ST7: variants seen among roughly 807,000 people sequenced by gnomAD.
ST7 encodes suppressor of tumorigenicity 7 protein.
A neutral mutation model predicts 78.7 loss-of-function variants in ST7; 28 were observed. That is an observed-to-expected ratio of 0.36 (90% CI 0.26 to 0.49). The LOEUF (loss-of-function observed/expected upper bound fraction) is 0.49, where lower values mean the gene tolerates loss of function less well. Among genes scored for constraint, ST7 ranks in the 20% least tolerant of loss-of-function variants. The pLI is 0.99. For missense variants in ST7, 418 were observed against 696.0 expected (o/e 0.60, Z 4.49); for synonymous variants, 247 against 249.6 (o/e 0.99, Z 0.10).
At chr7:117,205,735 C>G (rs1452850350) in intron 12 of ST7, among the ~76,000 whole-genome samples, 1 of 152,190 alleles carries the variant, frequency 6.6e-6, no homozygotes, top group Non-Finnish European at 1.5e-5. Flanking sequence ...ACTTTGGATG[C>G]TCCTGCAGTG....
intron 1 of ST7, among the ~76,000 whole-genome samples, chr7:117,081,409 G>A (rs1799764309): frequency 6.6e-6 from 1 of 151,892 alleles, no homozygotes; most frequent in Non-Finnish European, 1.5e-5. Context: ...GGAAACCTTT[G>A]GATGCCTCCC....
chr7:117,119,608 A>G lies in ST7; in HGVS notation c.282A>G (p.Glu94=), dbSNP rs773426338. Residue 94 remains glutamate (E), a synonymous_variant, in exon 3 of 16, where the codon GAA becomes GAG. Transcript: ENST00000323984. ...GCAAATACGGAACTTCATTCATTGA[A>G]CAAGTCTCAGTAAGCCACTTGCGCC... ...YFRKYGTSFI[E]QVSVSHLRPL... is the part of the protein sequence containing the mutation. 1.9e-6 allele frequency: 3 copies of G among 1,613,448 alleles called. No individual in the cohort carries two copies. The highest frequency in any genetic ancestry group is 2.5e-6 in the Non-Finnish European group (3 of 1,179,928).
In ST7 at chr7:117,219,148, A is replaced by C. The variant is rs765568504; in HGVS notation, c.1470A>C (p.Thr490=). 3 of 1,613,466 alleles carry C rather than the reference A, an allele frequency of 1.9e-6. No individual in the cohort carries two copies. Residue 490 remains threonine, a synonymous_variant, in exon 14 of 16, where the codon ACA becomes ACC. Coordinates refer to ENST00000323984, the MANE Select transcript of ST7 (RefSeq NM_001369598.1). The surrounding 1 kb of genome is among the most constrained non-coding windows in gnomAD (Gnocchi z 5.1). ...TATTTTATCCTTACCCAATCTGTAC[A>C]GAAACAGCAGACCGAGAGCTGCTTC... ...GHLFYPYPIC[T]ETADRELLPS...
chr7:117,230,175 G>C lies in ST7; in HGVS notation c.*318G>C. Reference sequence around the variant, plus strand: ...CCAAATAAACCTTTGGATTTACCTTGAGTTTCCTGGGAACCTGGATCTACT... The same window carrying C: ...CCAAATAAACCTTTGGATTTACCTTCAGTTTCCTGGGAACCTGGATCTACT... On this transcript the variant is annotated 3_prime_UTR_variant, in exon 16 of 16. Coordinates refer to ENST00000323984, the MANE Select transcript of ST7 (RefSeq NM_001369598.1). 2.3e-6 allele frequency: 1 copy of C among 440,172 alleles called. No homozygotes were observed. Among genetic ancestry groups the C allele is most frequent in the East Asian group, 5.1e-5 (1 of 19,426 alleles). The allele number at this position is 440,172 out of a possible 1,614,324, so 27.3% of individuals were successfully genotyped here.
intron 1 of ST7, among the ~76,000 whole-genome samples, chr7:117,005,867 T>A (rs969571357): frequency 6.6e-6 from 1 of 152,236 alleles, no homozygotes; most frequent in Admixed American, 6.5e-5. Context: ...CTAATGCATT[T>A]TGTTTCTTAG....
At chr7:117,159,399 G>A (rs760747078) in intron 9 of ST7, among the ~76,000 whole-genome samples, 1 of 152,250 alleles carries the variant, frequency 6.6e-6, no homozygotes, top group South Asian at 2.1e-4. Context: ...GAGAGTTAGC[G>A]TTTTCACTCT....
At chr7:116,989,963 CAG>C (rs1371828329) in intron 1 of ST7, among the ~76,000 whole-genome samples, 26 of 152,106 alleles carry the variant, frequency 1.7e-4, no homozygotes, top group Non-Finnish European at 2.9e-4. Flanking sequence ...GTTTTTGAGA[CAG>C]AGTCTCGCTC....
intron 1 of ST7, among the ~76,000 whole-genome samples, chr7:117,086,465 T>C (rs541973442): frequency 1.3e-5 from 2 of 152,218 alleles, no homozygotes; most frequent in Non-Finnish European, 2.9e-5. Context: ...GAAATTTCTT[T>C]CTTTTTCCTT....
At chr7:116,967,308 A>T (rs1326288782) in intron 1 of ST7, 1 of 471,174 alleles carries the variant, frequency 2.1e-6, no homozygotes, top group Admixed American at 2.3e-5. Flanking sequence ...GGTGGTGGCC[A>T]TTAATGACCA....
intron 9 of ST7, among the ~76,000 whole-genome samples, chr7:117,159,644 A>T (rs1806973656): frequency 6.6e-6 from 1 of 152,218 alleles, no homozygotes; most frequent in African/African-American, 2.4e-5. Context: ...AGAAAGGCTA[A>T]TTATGTTACC....
At chr7:116,959,386 T>C (rs959363655) in intron 1 of ST7, 1 of 364,052 alleles carries the variant, frequency 2.7e-6, no homozygotes, top group Non-Finnish European at 5.4e-6. Context: ...TCAGTGTTTG[T>C]GTATATATGC....
intron 1 of ST7, among the ~76,000 whole-genome samples, chr7:117,098,421 C>T (rs930966752): frequency 2.0e-4 from 30 of 152,220 alleles, no homozygotes; most frequent in Middle Eastern, 3.4e-3. Context: ...TGGACTTCCT[C>T]CCTGCCACCC....
At chr7:117,083,758 A>C (rs1799950536) in intron 1 of ST7, among the ~76,000 whole-genome samples, 1 of 152,216 alleles carries the variant, frequency 6.6e-6, no homozygotes, top group South Asian at 2.1e-4. Context: ...ATTCTCAAGA[A>C]AGAAAAAAAG....
intron 2 of ST7, among the ~76,000 whole-genome samples, chr7:117,100,326 T>C (rs1474663878): frequency 6.6e-6 from 1 of 151,720 alleles, no homozygotes; most frequent in African/African-American, 2.4e-5. Context: ...ACAAAAAAAA[T>C]TAACCGGGTG....
At chr7:116,958,529 C>T in intron 1 of ST7, 1 of 447,978 alleles carries the variant, frequency 2.2e-6, no homozygotes, top group South Asian at 1.6e-5. Context: ...TCTTTTGCCC[C>T]TGTTGTGCCT....
intron 1 of ST7, among the ~76,000 whole-genome samples, chr7:116,978,259 C>G (rs1019961958): frequency 3.3e-5 from 5 of 152,236 alleles, no homozygotes; most frequent in Non-Finnish European, 5.9e-5. Flanking sequence ...GAAGTTGCTT[C>G]CTGACTTGCA....
intron 1 of ST7, among the ~76,000 whole-genome samples, chr7:116,961,264 T>G (rs571493106): frequency 1.3e-5 from 2 of 152,306 alleles, no homozygotes; most frequent in South Asian, 4.1e-4. Context: ...GCCTCCAGCT[T>G]TGTTCTTTTG....
At chr7:117,106,908 CTG>C (rs1392454034) in intron 2 of ST7, among the ~76,000 whole-genome samples, 1 of 152,168 alleles carries the variant, frequency 6.6e-6, no homozygotes, top group Non-Finnish European at 1.5e-5. Flanking sequence ...GCGTGAGCCA[CTG>C]TGCCTGGCCC....
At chr7:117,212,976 C>G (rs1195245985) in intron 13 of ST7, among the ~76,000 whole-genome samples, 1 of 152,118 alleles carries the variant, frequency 6.6e-6, no homozygotes, top group East Asian at 1.9e-4. Context: ...ATCAGATGAC[C>G]TGGATTAGAA....
Sources: gnomAD v4.1 joint callset for allele counts (sites outside exome capture counted in the v4.1 genomes callset) on GRCh38, gnomAD v4.1.1 for gene constraint, Gnocchi (gnomAD v3.1) non-coding constraint, MANE v1.5 for transcripts, NCBI Gene and HGNC (gene_info 2026-07-23, HGNC 2026-07-21) for gene names.